The following PARP4 variants were observed in gnomAD, a reference collection of about 807,000 sequenced individuals.
PARP4 encodes the protein protein mono-ADP-ribosyltransferase PARP4.
In PARP4, 120 loss-of-function variants were observed where a neutral mutation model predicts 187.7. That is an observed-to-expected ratio of 0.64 (90% CI 0.55 to 0.74). The LOEUF is 0.74. Ranked by LOEUF, PARP4 falls within the 30% of genes least tolerant of loss-of-function variation. PARP4 has a pLI of 0.00. For missense variants in PARP4, 1,836 were observed against 2,070.5 expected, an observed-to-expected ratio of 0.89 and a Z score of 2.20; for synonymous variants, 654 against 740.9, an observed-to-expected ratio of 0.88 and a Z score of 1.90.
chr13:24,470,327 C>T (rs1872676895), intron 15 of PARP4, among the ~76,000 whole-genome samples: 1 of 152,136 alleles, frequency 6.6e-6, no homozygotes, highest in African/African-American at 2.4e-5. Flanking sequence ...TGGAAAATTG[C>T]CCCTTTCGTT....
intron 32 of PARP4, among the ~76,000 whole-genome samples, chr13:24,429,780 G>C (rs546976857): frequency 4.6e-5 from 7 of 152,220 alleles, no homozygotes. Context: ...AGGATCTGCG[G>C]GGTATCTGGA....
chr13:24,477,777 T>A lies in PARP4; in HGVS notation c.1713A>T (p.Ile571=). The change falls in exon 14 of 34, where the codon ATA becomes ATT. Residue 571 remains isoleucine (I), a synonymous_variant. Coordinates refer to ENST00000381989, the MANE Select transcript of PARP4 (RefSeq NM_006437.4). The stretch of plus-strand genomic sequence containing the variant: ...TATGATCACTAGGATGAAAGTCCTT[T>A]ATCTGATCTCCAGGCATGGAAAATT... ...IIKFSMPGDQ[I]KDFHPSDHTE... 1 of 1,576,652 alleles carries A rather than the reference T, an allele frequency of 6.3e-7. No individual in the cohort carries two copies. Among genetic ancestry groups the A allele is most frequent in the Non-Finnish European group, 8.7e-7 (1 of 1,152,280 alleles).
intron 3 of PARP4, 150 bp downstream of exon 3, chr13:24,501,483 C>A: frequency 1.6e-6 from 1 of 608,080 alleles, no homozygotes; most frequent in Middle Eastern, 2.8e-4. Flanking sequence ...GTCTTTTGTC[C>A]TTTGTTATTT....
chr13:24,506,888 C>T (rs373210388), intron 1 of PARP4, among the ~76,000 whole-genome samples: 1 of 152,236 alleles, frequency 6.6e-6, no homozygotes, highest in African/African-American at 2.4e-5. Flanking sequence ...GCTCGTGCTG[C>T]GCAGGAGCCA....
rs1209524550 is a variant in PARP4, at chr13:24,459,276, C to T, written c.2333G>A (p.Gly778Glu). The change falls in exon 19 of 34, where the codon GGA becomes GAA. Residue 778 changes from glycine (G) to glutamate (E), a missense_variant. This residue lies in a region of PARP4 where 1,147 missense variants were observed against 1,214.2 expected (regional missense o/e 0.94). Transcript: ENST00000381989. Reference protein sequence around the residue: ...TVEKICIKEIGTKQSFSLTMS... With the variant: ...TVEKICIKEIETKQSFSLTMS... Reference sequence around the variant, plus strand: ...TTTAGGTACTAACCTTTGCTTTGTTCCTATTTCTTTTATACAAATCTTCTC... The same window carrying T: ...TTTAGGTACTAACCTTTGCTTTGTTTCTATTTCTTTTATACAAATCTTCTC... 19 of 1,582,190 alleles carry T rather than the reference C, an allele frequency of 1.2e-5. No individual in the cohort carries two copies. Among genetic ancestry groups the T allele is most frequent in the Non-Finnish European group, 1.6e-5 (19 of 1,160,266 alleles).
chr13:24,449,475 T>TA (rs35355871), intron 25 of PARP4, among the ~76,000 whole-genome samples: 4,817 of 151,566 alleles, frequency 0.032, 246 homozygotes, highest in African/African-American at 0.11. Flanking sequence ...TAATTCACTT[T>TA]AAAAAAAATC....
chr13:24,424,211 T>TA (rs1869902419), intron 33 of PARP4, among the ~76,000 whole-genome samples: 1 of 152,234 alleles, frequency 6.6e-6, no homozygotes, highest in South Asian at 2.1e-4. Context: ...TTCTTTAATA[T>TA]CATAAAATAT....
At chr13:24,480,525 T>G (rs551322918) in intron 12 of PARP4, among the ~76,000 whole-genome samples, 1 of 152,174 alleles carries the variant, frequency 6.6e-6, no homozygotes, top group Non-Finnish European at 1.5e-5. Flanking sequence ...AAGTGGTGAA[T>G]GTAAAGAAAC....
chr13:24,463,360 CTT>C (rs1016983621), intron 17 of PARP4, among the ~76,000 whole-genome samples: 2 of 152,004 alleles, frequency 1.3e-5, no homozygotes, highest in African/African-American at 4.8e-5. Context: ...TGCTAGCACA[CTT>C]GCGCTAGAAA....
chr13:24,450,431 T>A (rs1478801635), intron 24 of PARP4, among the ~76,000 whole-genome samples: 2 of 150,076 alleles, frequency 1.3e-5, no homozygotes, highest in Non-Finnish European at 3.0e-5. Context: ...AAAGAGCTTA[T>A]GAAAATAATT....
intron 25 of PARP4, among the ~76,000 whole-genome samples, chr13:24,448,025 C>T (rs1431536695): frequency 5.3e-5 from 8 of 152,006 alleles, no homozygotes; most frequent in Non-Finnish European, 1.0e-4. Context: ...AGGCCCATGG[C>T]GAAACACTGT....
intron 8 of PARP4, among the ~76,000 whole-genome samples, chr13:24,492,838 T>C (rs532595722): frequency 6.6e-6 from 1 of 152,350 alleles, no homozygotes; most frequent in Admixed American, 6.5e-5. Context: ...CTTATATTTC[T>C]ATACATATGT....
intron 15 of PARP4, among the ~76,000 whole-genome samples, chr13:24,471,334 G>A (rs1210164778): frequency 2.6e-5 from 4 of 152,160 alleles, no homozygotes; most frequent in East Asian, 1.9e-4. Context: ...CCGCCTTTGC[G>A]CAGGAGTCCC....
At chr13:24,453,698 C>G in intron 22 of PARP4, 44 bp from the exon 23 acceptor site, 1 of 1,040,868 alleles carries the variant, frequency 9.6e-7, no homozygotes, top group Non-Finnish European at 1.5e-6. Flanking sequence ...CACACGTTCA[C>G]TTGCTTGAGC....
intron 1 of PARP4, 80 bp downstream of exon 1, chr13:24,512,626 C>G (rs1870082568): frequency 6.6e-6 from 1 of 152,538 alleles, no homozygotes. Flanking sequence ...CAGCCACTGG[C>G]GGGAAAGTAG....
intron 33 of PARP4, among the ~76,000 whole-genome samples, chr13:24,423,533 A>AAAAAAAAAAT (rs138940651): frequency 6.6e-6 from 1 of 150,734 alleles, no homozygotes; most frequent in African/African-American, 2.4e-5. Flanking sequence ...CTGGCCTCAA[A>AAAAAAAAAAT]AAATAAATAA....
intron 31 of PARP4, among the ~76,000 whole-genome samples, chr13:24,433,074 G>A (rs182242708): frequency 1.3e-5 from 2 of 152,284 alleles, no homozygotes; most frequent in Non-Finnish European, 2.9e-5. Context: ...AGTGTTGGGA[G>A]GGAAACTGAG....
At chr13:24,507,018 A>G (rs1869737666) in intron 1 of PARP4, among the ~76,000 whole-genome samples, 1 of 152,142 alleles carries the variant, frequency 6.6e-6, no homozygotes, top group Non-Finnish European at 1.5e-5. Flanking sequence ...CTGCTGGGGT[A>G]CCCGGCACAC....
chr13:24,429,945 G>A (rs1241077939), intron 32 of PARP4, among the ~76,000 whole-genome samples: 2 of 152,200 alleles, frequency 1.3e-5, no homozygotes, highest in African/African-American at 4.8e-5. Context: ...TGTCTCATGA[G>A]CTGAGAAATG....
Sources: gnomAD v4.1 joint callset for allele counts (sites outside exome capture counted in the v4.1 genomes callset) on GRCh38, gnomAD v4.1.1 for gene constraint, gnomAD v4.1.1 regional missense constraint, MANE v1.5 for transcripts, NCBI Gene and HGNC (gene_info 2026-07-23, HGNC 2026-07-21) for gene names.